Variants in NEDD9 observed in about 807,000 individuals in gnomAD.
The protein encoded by NEDD9 is neural precursor cell expressed, developmentally down-regulated 9, also known as enhancer of filamentation 1.
A neutral mutation model predicts 76.6 loss-of-function variants in NEDD9; 26 were observed. The observed-to-expected ratio is 0.34, with a 90% CI of 0.25 to 0.47. NEDD9 has a LOEUF of 0.47. Among genes scored for constraint, NEDD9 ranks in the 20% least tolerant of loss-of-function variants. The pLI, the probability that NEDD9 is intolerant of heterozygous loss-of-function variation, is 1.00. For missense variants in NEDD9, 937 were observed against 1,058.5 expected, an observed-to-expected ratio of 0.89 and a Z score of 1.59; for synonymous variants, 392 against 414.2, an observed-to-expected ratio of 0.95 and a Z score of 0.65.
intron 1 of NEDD9, among the ~76,000 whole-genome samples, chr6:11,355,141 T>C (rs3823017): frequency 0.28 from 43,161 of 152,040 alleles, 7,172 homozygotes; most frequent in East Asian, 0.64. Flanking sequence ...AGAAAATGCA[T>C]ATGGTATGGT....
rs532340750 is a variant in NEDD9, at chr6:11,314,979, C to T, written c.-152-8824G>A. ...TGAATATTATAAATTGAGTGAAGCT[C>T]TCTGGTTAGCTTGTCGCCAAATGAG... On this transcript the variant is annotated intron_variant, in intron 2 of 3. Transcript: ENST00000397378. Among the ~76,000 whole-genome samples, 72 of 152,322 alleles carry T rather than the reference C, an allele frequency of 4.7e-4. 2 individuals carry two copies. The highest frequency in any genetic ancestry group is 3.3e-4 in the Admixed American group (5 of 15,304).
intron 1 of NEDD9, among the ~76,000 whole-genome samples, chr6:11,345,581 C>T (rs574338861): frequency 6.6e-6 from 1 of 152,234 alleles, no homozygotes; most frequent in African/African-American, 2.4e-5. Context: ...TACAGGGGAT[C>T]GTGGCTTCAC....
chr6:11,229,434 C>G (rs895485460), intron 1 of NEDD9, among the ~76,000 whole-genome samples: 4 of 151,908 alleles, frequency 2.6e-5, no homozygotes, highest in African/African-American at 7.3e-5. Context: ...GGGGTGGGGT[C>G]TCGGGGGCTT....
chr6:11,273,607 C>T (rs1017325870), intron 3 of NEDD9, among the ~76,000 whole-genome samples: 6 of 152,174 alleles, frequency 3.9e-5, no homozygotes, highest in Admixed American at 3.3e-4. Context: ...CGGCAGATTC[C>T]GTCTTGCCAG....
At position 11,239,409 on chromosome 6, in the gene NEDD9, G is replaced by GC. The variant is rs147986444; in HGVS notation, c.13-25683dup. Among the ~76,000 whole-genome samples, 847 of 152,242 alleles carry GC rather than the reference G, an allele frequency of 5.6e-3. 7 individuals carry two copies. Among genetic ancestry groups the GC allele is most frequent in the African/African-American group, 0.019 (781 of 41,538 alleles). The stretch of plus-strand genomic sequence containing the variant: ...CTCTCAAAGCCTGTGTCTTGTCTGT[G>GC]CACACTGCCTTCACTGAATTCAACA... On this transcript the variant is annotated intron_variant, in intron 3 of 3. Coordinates refer to the NEDD9 transcript ENST00000397378.
chr6:11,361,104 C>T (rs564420721), intron 1 of NEDD9, among the ~76,000 whole-genome samples: 1 of 152,230 alleles, frequency 6.6e-6, no homozygotes, highest in Middle Eastern at 3.4e-3. Flanking sequence ...GAATGGTCTC[C>T]AGAAATATGC....
intron 1 of NEDD9, among the ~76,000 whole-genome samples, chr6:11,341,332 C>A (rs1248198675): frequency 1.3e-5 from 2 of 152,156 alleles, no homozygotes; most frequent in African/African-American, 4.8e-5. Flanking sequence ...GAGCACAGGA[C>A]TCTTGCTGGG....
chr6:11,301,676 C>T (rs1292670227), intron 3 of NEDD9, among the ~76,000 whole-genome samples: 1 of 152,214 alleles, frequency 6.6e-6, no homozygotes, highest in Non-Finnish European at 1.5e-5. Flanking sequence ...TCCCTGACTA[C>T]AGTGCAATCA....
At chr6:11,350,688 C>G (rs962268084) in intron 1 of NEDD9, among the ~76,000 whole-genome samples, 5 of 152,190 alleles carry the variant, frequency 3.3e-5, no homozygotes, top group Non-Finnish European at 5.9e-5. Context: ...TATTGAGCCC[C>G]TACTTAGTGC....
At chr6:11,361,314 T>C (rs913556674) in intron 1 of NEDD9, among the ~76,000 whole-genome samples, 4 of 152,140 alleles carry the variant, frequency 2.6e-5, no homozygotes, top group African/African-American at 7.2e-5. Context: ...CTGGGTTAAA[T>C]TGGCTCACGG....
chr6:11,239,645 ACAAGAGACCT>A (rs1474123729), intron 3 of NEDD9, among the ~76,000 whole-genome samples: 11 of 152,166 alleles, frequency 7.2e-5, no homozygotes, highest in African/African-American at 2.4e-5. Context: ...ATATTTTGGC[ACAAGAGACCT>A]CATGAAGGCT....
chr6:11,219,676 G>A lies in NEDD9; in HGVS notation c.13-5949C>T, dbSNP rs115791566. ...GAACATTGTCAAGGTCAGTCTCAGG[G>A]CACAACAGGGAAGAGAAAGAAAGGC... On this transcript the variant is annotated intron_variant, in intron 1 of 6. Coordinates refer to ENST00000379446, the MANE Select transcript of NEDD9 (RefSeq NM_006403.4). Among the ~76,000 whole-genome samples, 1,061 of 152,350 alleles carry A rather than the reference G, an allele frequency of 7.0e-3. 13 individuals are homozygous for A. The highest frequency in any genetic ancestry group is 0.025 in the African/African-American group (1,021 of 41,578).
At chr6:11,214,955 T>C (rs1323643997) in intron 1 of NEDD9, among the ~76,000 whole-genome samples, 2 of 152,262 alleles carry the variant, frequency 1.3e-5, no homozygotes, top group East Asian at 3.8e-4. Context: ...TGTCATTGTC[T>C]GAGCTTTTGC....
chr6:11,342,145 A>G (rs1156515099), intron 1 of NEDD9, among the ~76,000 whole-genome samples: 1 of 152,114 alleles, frequency 6.6e-6, no homozygotes, highest in Non-Finnish European at 1.5e-5. Flanking sequence ...AATCTGAAGA[A>G]CAGAAATAAA....
chr6:11,255,856 A>G (rs138745175), intron 3 of NEDD9, among the ~76,000 whole-genome samples: 13 of 152,288 alleles, frequency 8.5e-5, no homozygotes, highest in African/African-American at 2.6e-4. Flanking sequence ...TTGGAAGGGA[A>G]CCAGAGAGCT....
At chr6:11,343,009 G>A (rs964354593) in intron 1 of NEDD9, among the ~76,000 whole-genome samples, 1 of 152,096 alleles carries the variant, frequency 6.6e-6, no homozygotes, top group Non-Finnish European at 1.5e-5. Context: ...GAAATTTTCT[G>A]TAGCTTGATT....
chr6:11,295,865 C>G lies in NEDD9; in HGVS notation c.12+10127G>C, dbSNP rs557401479. On this transcript the variant is annotated intron_variant, in intron 3 of 3. Transcript: ENST00000397378. ...CAACCTGTGGTGTTGCTCAATCAAA[C>G]TGTTCCTGTAGACACATTACACCCA... Among the ~76,000 whole-genome samples the G allele has an allele frequency of 1.2e-4, 18 of 152,334 alleles. No individual in the cohort carries two copies. In the South Asian group the frequency reaches 2.3e-3, roughly 19 times the overall value.
chr6:11,305,856 G>A (rs1260809799), intron 3 of NEDD9: 1 of 1,082,358 alleles, frequency 9.2e-7, no homozygotes, highest in Non-Finnish European at 1.4e-6. Context: ...AAACTTAACA[G>A]TATTTTCCCC....
intron 2 of NEDD9, among the ~76,000 whole-genome samples, chr6:11,320,260 T>G (rs184258359): frequency 1.3e-5 from 2 of 152,234 alleles, no homozygotes; most frequent in African/African-American, 4.8e-5. Flanking sequence ...AATATATCTT[T>G]CTTGGGTTGT....
Sources: gnomAD v4.1 joint callset for allele counts (sites outside exome capture counted in the v4.1 genomes callset) on GRCh38, gnomAD v4.1.1 for gene constraint, MANE v1.5 for transcripts, NCBI Gene and HGNC (gene_info 2026-07-23, HGNC 2026-07-21) for gene names.